TMPRSS9: variants seen among roughly 807,000 people sequenced by gnomAD.
TMPRSS9 encodes transmembrane serine protease 9.
Under a neutral mutation model 111.4 loss-of-function variants are expected in TMPRSS9, and 113 were observed. The observed-to-expected ratio is 1.01, with a 90% confidence interval of 0.87 to 1.19. The LOEUF (loss-of-function observed/expected upper bound fraction) is 1.19, where lower values mean the gene tolerates loss of function less well. Ranked by LOEUF, TMPRSS9 falls within the 50% of genes most tolerant of loss-of-function variation. TMPRSS9 has a pLI of 0.00. For synonymous variants in TMPRSS9, 805 were observed against 659.1 expected (o/e 1.22, Z -3.39); for missense variants, 1,803 against 1,513.1 (o/e 1.19, Z -3.18).
chr19:2,393,405 A>T (rs1207027150), intron 1 of TMPRSS9, among the ~76,000 whole-genome samples: 3 of 152,192 alleles, frequency 2.0e-5, no homozygotes, highest in Non-Finnish European at 4.4e-5. Context: ...TGAAGCAAGC[A>T]AGACCACGAA....
chr19:2,401,186 A>G (rs1347388395), intron 4 of TMPRSS9, among the ~76,000 whole-genome samples: 1 of 152,088 alleles, frequency 6.6e-6, no homozygotes, highest in African/African-American at 2.4e-5. Context: ...AGGCAGGAGA[A>G]TAGCGTGAAC....
upstream of TMPRSS9, among the ~76,000 whole-genome samples, chr19:2,385,415 C>T (rs1358084370): frequency 6.6e-6 from 1 of 152,154 alleles, no homozygotes; most frequent in Admixed American, 6.6e-5. Flanking sequence ...CTGAAAGCGG[C>T]AGGAGCATGG....
At chr19:2,398,280 A>G (rs1970752108) in intron 2 of TMPRSS9, among the ~76,000 whole-genome samples, 1 of 151,036 alleles carries the variant, frequency 6.6e-6, no homozygotes, top group Admixed American at 6.6e-5. Context: ...CAGGCGACAG[A>G]GCAAGACTCT....
At chr19:2,424,404 A>AC (rs949357784) in intron 15 of TMPRSS9, 147 bp downstream of exon 16, 17 of 754,860 alleles carry the variant, frequency 2.3e-5, no homozygotes, top group Admixed American at 1.9e-4. Flanking sequence ...CACTCCTCCC[A>AC]CCCCCCATCT....
Position 2,399,018 on chromosome 19 carries a change from G to C in TMPRSS9, c.339G>C (p.Arg113Ser), listed in dbSNP as rs549129786. The change falls in exon 4 of 18, where the codon AGG becomes AGC. Residue 113 changes from arginine (R) to serine (S), a missense_variant and splice_region_variant. By Grantham distance (110) the Arg-to-Ser change is moderately radical. Transcript: ENST00000648592. The stretch of plus-strand genomic sequence containing the variant: ...AAGGGCCTCTCCTCCATACCTGTAG[G>C]GATGGGAACTCCAGTGTCCTCGTAC... 1.9e-6 allele frequency: 3 copies of C among 1,610,160 alleles called. No homozygotes were observed. The African/African-American group carries it at 4.0e-5, about 21-fold the overall frequency.
chr19:2,387,064 C>G (rs1441121960), upstream of TMPRSS9, among the ~76,000 whole-genome samples: 1 of 150,228 alleles, frequency 6.7e-6, no homozygotes, highest in Non-Finnish European at 1.5e-5. Flanking sequence ...CCACAAAAAA[C>G]AGAAAAATGA....
chr19:2,424,927 G>C, intron 15 of TMPRSS9, 75 bp from the exon 17 acceptor site: 1 of 1,361,278 alleles, frequency 7.3e-7, no homozygotes, highest in Admixed American at 3.7e-5. Flanking sequence ...CCAGCCGGCC[G>C]CTGGGGGACA....
intron 7 of TMPRSS9, among the ~76,000 whole-genome samples, chr19:2,406,014 C>CTT (rs749624348): frequency 3.9e-4 from 37 of 95,536 alleles, no homozygotes; most frequent in African/African-American, 1.2e-3. Flanking sequence ...TTCTTTCTTT[C>CTT]TTTTTTTTTT....
intron 13 of TMPRSS9, 32 bp downstream of exon 14, chr19:2,418,170 T>C (rs1971295622): frequency 1.3e-6 from 2 of 1,565,872 alleles, no homozygotes; most frequent in Non-Finnish European, 1.7e-6. Context: ...GCGGGCAATA[T>C]TTCCATGAAA....
At chr19:2,374,152 C>G (rs1599276110) in intron 1 of TMPRSS9, among the ~76,000 whole-genome samples, 1 of 151,020 alleles carries the variant, frequency 6.6e-6, no homozygotes, top group East Asian at 1.9e-4. Context: ...GCTATTACAT[C>G]AGCACCAAAG....
At chr19:2,414,232 T>C (rs1862291828) in intron 10 of TMPRSS9, 1 of 520,474 alleles carries the variant, frequency 1.9e-6, no homozygotes, top group African/African-American at 1.9e-5. Context: ...TGGCGATCTA[T>C]CAATGGGATA....
chr19:2,385,925 G>A (rs1378306301), upstream of TMPRSS9, among the ~76,000 whole-genome samples: 1 of 151,994 alleles, frequency 6.6e-6, no homozygotes, highest in Non-Finnish European at 1.5e-5. Flanking sequence ...GCCAGATCTG[G>A]TCTGCAGAAT....
intron 11 of TMPRSS9, chr19:2,416,329 C>T (rs898248659): frequency 1.2e-5 from 8 of 644,788 alleles, no homozygotes; most frequent in Admixed American, 3.1e-5. Context: ...CTGACTTGTC[C>T]GAGGTCCCCC....
chr19:2,376,632 G>C (rs532462008), intron 1 of TMPRSS9, among the ~76,000 whole-genome samples: 1 of 152,166 alleles, frequency 6.6e-6, no homozygotes, highest in Admixed American at 6.6e-5. Context: ...GCTAATTTTT[G>C]TATTTTTAGT....
At chr19:2,424,130 G>A (rs753542628) in exon 15 of TMPRSS9, 8 of 1,399,734 alleles carry the variant, frequency 5.7e-6, no homozygotes, top group Non-Finnish European at 6.5e-6. Context: ...GATTGTGGGC[G>A]GCAGCGCAGC....
intron 1 of TMPRSS9, among the ~76,000 whole-genome samples, chr19:2,383,863 A>C (rs10413979): frequency 0.39 from 59,389 of 151,176 alleles, 12,070 homozygotes; most frequent in East Asian, 0.6. Context: ...ACCTTCACAG[A>C]AACAGCTAGA....
At chr19:2,366,637 C>T (rs1970249470) in intron 1 of TMPRSS9, among the ~76,000 whole-genome samples, 1 of 151,234 alleles carries the variant, frequency 6.6e-6, no homozygotes, top group Non-Finnish European at 1.5e-5. Flanking sequence ...GAGGGCAGAT[C>T]ACAAGGTCAG....
At chr19:2,402,575 C>G (rs1970874093) in intron 5 of TMPRSS9, among the ~76,000 whole-genome samples, 1 of 151,640 alleles carries the variant, frequency 6.6e-6, no homozygotes, top group South Asian at 2.1e-4. Context: ...CCCCATCTCA[C>G]TAAAAATACA....
At chr19:2,395,686 G>A (rs1030520291) in intron 1 of TMPRSS9, among the ~76,000 whole-genome samples, 18 of 151,978 alleles carry the variant, frequency 1.2e-4, no homozygotes, top group African/African-American at 4.3e-4. Flanking sequence ...TTGCACTCCA[G>A]TGTGGGCAAC....
Sources: gnomAD v4.1 joint callset for allele counts (sites outside exome capture counted in the v4.1 genomes callset) on GRCh38, gnomAD v4.1.1 for gene constraint, MANE v1.5 for transcripts, NCBI Gene and HGNC (gene_info 2026-07-23, HGNC 2026-07-21) for gene names.